MYO9A: variants seen among roughly 807,000 people sequenced by gnomAD.
The protein encoded by MYO9A is myosin IXA.
MYO9A carries 103 observed loss-of-function variants against 293.3 expected under a neutral mutation model. That is an observed-to-expected ratio of 0.35 (90% CI 0.30 to 0.41). The LOEUF (loss-of-function observed/expected upper bound fraction) is 0.41, where lower values mean the gene tolerates loss of function less well. MYO9A is among the 10% of genes least tolerant of loss of function. The pLI, the probability that MYO9A is intolerant of heterozygous loss-of-function variation, is 1.00. For missense variants in MYO9A, 2,685 were observed against 3,033.0 expected (o/e 0.89, Z 2.69); for synonymous variants, 1,001 against 1,035.7 (o/e 0.97, Z 0.64).
In MYO9A at chr15:71,822,391, C is replaced by T. The variant is rs1234203205; in HGVS notation, c.*4189G>A. On this transcript the variant is annotated 3_prime_UTR_variant, in exon 42 of 42. Coordinates refer to ENST00000356056, the MANE Select transcript of MYO9A (RefSeq NM_006901.4). ...TGCATATTTTGAGTGACACAAACTG[C>T]ACTTTATACAGATGGTATCTTGTTA... The T allele has an allele frequency of 6.6e-6, 1 of 151,994 alleles. No homozygotes were observed. Among genetic ancestry groups the T allele is most frequent in the African/African-American group, 2.4e-5 (1 of 41,344 alleles). 9.4% of individuals were successfully genotyped at this position (151,994 alleles called of 1,614,324 possible). A position where few individuals can be genotyped will look rare whatever the true frequency, so the allele number is the denominator to read the frequency against.
At chr15:71,852,521 G>A (rs1266157189) in intron 35 of MYO9A, among the ~76,000 whole-genome samples, 10 of 151,956 alleles carry the variant, frequency 6.6e-5, no homozygotes, top group African/African-American at 1.2e-4. Flanking sequence ...GCGCCGCCAC[G>A]CTTAGCTAAT....
chr15:72,111,795 C>T lies in MYO9A; in HGVS notation c.-72+5885G>A, dbSNP rs2080791006. Among the ~76,000 whole-genome samples, 3 of 152,006 alleles carry T rather than the reference C, an allele frequency of 2.0e-5. No individual in the cohort carries two copies. In the South Asian group the frequency reaches 6.2e-4, roughly 32 times the overall value. On this transcript the variant is annotated intron_variant, in intron 1 of 41. Transcript: ENST00000356056. ...AGGACCATAGGTGAATGCCACCACA[C>T]TCAGCTATTTAATAATAATTTTGTC...
At chr15:72,094,057 T>A (rs1278452649) in intron 1 of MYO9A, among the ~76,000 whole-genome samples, 2 of 88,298 alleles carry the variant, frequency 2.3e-5, no homozygotes, top group African/African-American at 5.3e-5. Context: ...AAAAAACATA[T>A]AAGAAAGCCA....
chr15:72,043,142 C>A (rs1030056145), intron 2 of MYO9A, among the ~76,000 whole-genome samples: 2 of 151,806 alleles, frequency 1.3e-5, no homozygotes, highest in African/African-American at 4.8e-5. Context: ...ATAAGGTCAA[C>A]GTGTAACTAT....
intron 14 of MYO9A, among the ~76,000 whole-genome samples, chr15:71,957,380 A>T (rs1028706915): frequency 6.6e-6 from 1 of 152,154 alleles, no homozygotes; most frequent in East Asian, 1.9e-4. Context: ...ATGAAAAAAA[A>T]TTTAGAGGTC....
rs28639590 is a variant in MYO9A at position 71,986,943 on chromosome 15, G to A, written c.1722+4160C>T. Reference sequence around the variant, plus strand: ...CCACTCACCCAACATCTCACCCAGAGTAACCTCCAGTCCTGCAAGCTCTAA... The same window carrying A: ...CCACTCACCCAACATCTCACCCAGAATAACCTCCAGTCCTGCAAGCTCTAA... On this transcript the variant is annotated intron_variant, in intron 11 of 41. Transcript: ENST00000356056. Among the ~76,000 whole-genome samples, 859 of 152,256 alleles carry A rather than the reference G, an allele frequency of 5.6e-3. 12 individuals are homozygous for A. Among genetic ancestry groups the A allele is most frequent in the African/African-American group, 0.02 (813 of 41,550 alleles).
intron 18 of MYO9A, 126 bp downstream of exon 18, chr15:71,933,544 G>T: frequency 1.2e-6 from 1 of 862,514 alleles, no homozygotes; most frequent in Non-Finnish European, 1.9e-6. Context: ...TCAACTAAGT[G>T]CACGATCACT....
chr15:71,929,482 T>C (rs1020028755), intron 18 of MYO9A, among the ~76,000 whole-genome samples: 4 of 152,202 alleles, frequency 2.6e-5, no homozygotes, highest in African/African-American at 4.8e-5. Context: ...CCTAATTCGT[T>C]GAGCTTTTAT....
At position 71,826,272 on chromosome 15, in the gene MYO9A, G is replaced by GGGAAGGGAAAAGAGGGT; in HGVS notation, c.*291_*307dup. 3.5e-6 allele frequency: 1 copy of GGGAAGGGAAAAGAGGGT among 287,104 alleles called. No individual in the cohort carries two copies. Among genetic ancestry groups the GGGAAGGGAAAAGAGGGT allele is most frequent in the East Asian group, 6.7e-5 (1 of 14,916 alleles). 17.8% of individuals were successfully genotyped at this position (287,104 alleles called of 1,614,324 possible). On this transcript the variant is annotated 3_prime_UTR_variant, in exon 42 of 42. Transcript: ENST00000356056. ...CCCCCCTAGTTCAACACCCACCTTT[G>GGGAAGGGAAAAGAGGGT]GGAAGGGAAAAGAGGGTGGGGGAGA...
chr15:71,924,221 T>TTTA (rs535851968), intron 18 of MYO9A, among the ~76,000 whole-genome samples: 59 of 151,522 alleles, frequency 3.9e-4, no homozygotes, highest in East Asian at 1.2e-3. Context: ...TGAAATTTTG[T>TTTA]TTATTATTAT....
Position 71,901,283 on chromosome 15 carries a change from G to C in MYO9A, c.3058C>G (p.Leu1020Val). Residue 1020 changes from leucine (L) to valine (V), a missense_variant, in exon 23 of 42, where the codon CTC (leucine) becomes GTC (valine). Physicochemically the swap from Leu to Val is conservative, Grantham distance 32. This residue lies in a region of MYO9A where 1,434 missense variants were observed against 1,497.7 expected (regional missense o/e 0.96). Coordinates refer to ENST00000356056, the MANE Select transcript of MYO9A (RefSeq NM_006901.4). ...CGCTGCAACAATATGATTCTGCGGA[G>C]CACCTCTTGGTGAAGCAGATCTTGT... The part of the protein sequence containing the change: ...HLQDLLHQEV[L>V]RRIILLQRWF... 6.2e-7 allele frequency: 1 copy of C among 1,613,966 alleles called. No individual in the cohort carries two copies. The highest frequency in any genetic ancestry group is 8.5e-7 in the Non-Finnish European group (1 of 1,179,936).
intron 27 of MYO9A, among the ~76,000 whole-genome samples, chr15:71,884,238 T>G (rs1183405679): frequency 6.6e-6 from 1 of 152,192 alleles, no homozygotes; most frequent in Non-Finnish European, 1.5e-5. Flanking sequence ...TCTTTATCCA[T>G]AAGTATGGCA....
At chr15:72,028,466 G>A (rs2077754146) in intron 3 of MYO9A, among the ~76,000 whole-genome samples, 1 of 151,124 alleles carries the variant, frequency 6.6e-6, no homozygotes, top group Non-Finnish European at 1.5e-5. Flanking sequence ...TGACCAACAT[G>A]GAGAAACCCC....
chr15:71,930,689 T>C (rs1004125268), intron 18 of MYO9A, among the ~76,000 whole-genome samples: 4 of 152,196 alleles, frequency 2.6e-5, no homozygotes, highest in African/African-American at 9.6e-5. Context: ...ATTTAATCCA[T>C]TTACATTCAA....
At chr15:71,990,116 A>G (rs1228474921) in intron 11 of MYO9A, among the ~76,000 whole-genome samples, 2 of 148,088 alleles carry the variant, frequency 1.4e-5, no homozygotes, top group Non-Finnish European at 3.0e-5. Flanking sequence ...AGACAGTCTC[A>G]TTCTGTTGCC....
chr15:72,016,187 T>C (rs1256733458), intron 6 of MYO9A, among the ~76,000 whole-genome samples: 1 of 152,170 alleles, frequency 6.6e-6, no homozygotes, highest in Non-Finnish European at 1.5e-5. Flanking sequence ...TCAGTCACCA[T>C]GAGTTACTAA....
chr15:72,017,010 CTTTTTTTTTTTT>C (rs61153023), intron 6 of MYO9A, among the ~76,000 whole-genome samples: 10 of 58,282 alleles, frequency 1.7e-4, no homozygotes, highest in East Asian at 6.0e-4. Flanking sequence ...GAGCCCAAAT[CTTTTTTTTTTTT>C]TTTTTTTTTT....
intron 18 of MYO9A, among the ~76,000 whole-genome samples, chr15:71,925,358 T>G (rs1567278769): frequency 6.7e-6 from 1 of 150,054 alleles, no homozygotes; most frequent in Non-Finnish European, 1.5e-5. Context: ...TACTTACATG[T>G]ATATATACAT....
rs1567169896 is a variant in MYO9A, at chr15:71,825,995, G to GTTTTGTTTTTTTTTTTTTTT, written c.*584_*585insAAAAAAAAAAAAAAACAAAA. The GTTTTGTTTTTTTTTTTTTTT allele has an allele frequency of 3.3e-5, 3 of 91,526 alleles. 1 individual carries two copies. 5.7% of individuals were successfully genotyped at this position (91,526 alleles called of 1,614,324 possible). On this transcript the variant is annotated 3_prime_UTR_variant, in exon 42 of 42. Coordinates refer to ENST00000356056, the MANE Select transcript of MYO9A (RefSeq NM_006901.4). ...ATGGAAACAATCACGGTTTTTTTTT[G>GTTTTGTTTTTTTTTTTTTTT]TTTTTTTTTTTTTGTTTTTTTTTTT... is the stretch of plus-strand genomic sequence containing the variant.
Sources: gnomAD v4.1 joint callset for allele counts (sites outside exome capture counted in the v4.1 genomes callset) on GRCh38, gnomAD v4.1.1 for gene constraint, gnomAD v4.1.1 regional missense constraint, MANE v1.5 for transcripts, NCBI Gene and HGNC (gene_info 2026-07-23, HGNC 2026-07-21) for gene names.